CNTNAP2: variants seen among roughly 807,000 people sequenced by gnomAD.
The protein encoded by CNTNAP2 is contactin associated protein 2.
Under a neutral mutation model 155.2 loss-of-function variants are expected in CNTNAP2, and 98 were observed. That is an observed-to-expected ratio of 0.63 (90% CI 0.54 to 0.75). The LOEUF is 0.75. Ranked by LOEUF, CNTNAP2 falls within the 30% of genes least tolerant of loss-of-function variation. The pLI is 0.00. For synonymous variants in CNTNAP2, 651 were observed against 631.2 expected (o/e 1.03, Z -0.47); for missense variants, 1,727 against 1,688.1 (o/e 1.02, Z -0.40).
intron 1 of CNTNAP2, among the ~76,000 whole-genome samples, chr7:146,319,794 C>T (rs1167107708): frequency 6.6e-6 from 1 of 152,094 alleles, no homozygotes; most frequent in Non-Finnish European, 1.5e-5. Flanking sequence ...AGGTGGACAG[C>T]AAGTGTCTGG....
At chr7:147,709,726 C>A (rs530725134) in intron 13 of CNTNAP2, among the ~76,000 whole-genome samples, 1 of 152,124 alleles carries the variant, frequency 6.6e-6, no homozygotes, top group African/African-American at 2.4e-5. Flanking sequence ...GTACTGAGAA[C>A]TCTTTCTACT....
intron 9 of CNTNAP2, among the ~76,000 whole-genome samples, chr7:147,346,073 A>G (rs1795850804): frequency 6.6e-6 from 1 of 152,212 alleles, no homozygotes; most frequent in Non-Finnish European, 1.5e-5. Context: ...AAAACTAAAT[A>G]TGACATTGTA....
chr7:146,838,847 A>G (rs1803666632), intron 2 of CNTNAP2, among the ~76,000 whole-genome samples: 1 of 152,144 alleles, frequency 6.6e-6, no homozygotes, highest in Admixed American at 6.6e-5. Flanking sequence ...TCTATTGAAT[A>G]TTTTTATATC....
intron 10 of CNTNAP2, among the ~76,000 whole-genome samples, chr7:147,481,725 G>A (rs528527833): frequency 5.3e-5 from 8 of 152,282 alleles, no homozygotes; most frequent in Middle Eastern, 3.4e-3. Context: ...TTCTTCTGGA[G>A]TCACTTGATC....
At chr7:147,010,967 C>T (rs939133938) in intron 3 of CNTNAP2, among the ~76,000 whole-genome samples, 6 of 152,170 alleles carry the variant, frequency 3.9e-5, no homozygotes, top group South Asian at 2.1e-4. Context: ...AAGTTAGTAT[C>T]ACCATAAATG....
intron 20 of CNTNAP2, among the ~76,000 whole-genome samples, chr7:148,265,961 G>A (rs956387836): frequency 6.6e-6 from 1 of 152,152 alleles, no homozygotes; most frequent in African/African-American, 2.4e-5. Context: ...CTAGCTTCCA[G>A]CATCTTTGCT....
chr7:148,115,731 G>T (rs1000738023), intron 15 of CNTNAP2, among the ~76,000 whole-genome samples: 2 of 152,038 alleles, frequency 1.3e-5, no homozygotes, highest in Admixed American at 1.3e-4. Flanking sequence ...GCGCCTTTCT[G>T]TTCCTGTTAC....
intron 21 of CNTNAP2, among the ~76,000 whole-genome samples, chr7:148,310,077 G>A (rs1003930285): frequency 6.6e-6 from 1 of 152,008 alleles, no homozygotes; most frequent in Admixed American, 6.6e-5. Context: ...GTGATGGCCT[G>A]GATACGATTT....
intron 10 of CNTNAP2, among the ~76,000 whole-genome samples, chr7:147,417,683 C>T (rs992980226): frequency 3.9e-5 from 6 of 152,092 alleles, no homozygotes; most frequent in African/African-American, 1.2e-4. Flanking sequence ...GTATGGAACC[C>T]GTATCTGATG....
intron 21 of CNTNAP2, among the ~76,000 whole-genome samples, chr7:148,352,918 C>T (rs1010736810): frequency 6.6e-6 from 1 of 152,208 alleles, no homozygotes; most frequent in African/African-American, 2.4e-5. Context: ...CCCCAAAGTC[C>T]CCTGGCCTGT....
intron 3 of CNTNAP2, among the ~76,000 whole-genome samples, chr7:146,970,922 G>A (rs1207559703): frequency 1.3e-5 from 2 of 151,992 alleles, no homozygotes; most frequent in Non-Finnish European, 2.9e-5. Flanking sequence ...GGACATGGAT[G>A]AAATTGGAAA....
At chr7:147,998,943 T>C (rs183919637) in intron 15 of CNTNAP2, among the ~76,000 whole-genome samples, 4 of 152,366 alleles carry the variant, frequency 2.6e-5, no homozygotes, top group Non-Finnish European at 5.9e-5. Context: ...CAGAGATCTA[T>C]GCCTATGTAG....
chr7:147,089,164 C>T (rs1800344944), intron 4 of CNTNAP2, among the ~76,000 whole-genome samples: 1 of 152,184 alleles, frequency 6.6e-6, no homozygotes, highest in African/African-American at 2.4e-5. Context: ...ATTACCCCAG[C>T]TGTTGCCCCT....
At chr7:147,909,181 A>G (rs1334490620) in intron 14 of CNTNAP2, among the ~76,000 whole-genome samples, 1 of 152,206 alleles carries the variant, frequency 6.6e-6, no homozygotes, top group East Asian at 1.9e-4. Flanking sequence ...AGAAGACCAA[A>G]GACACACATC....
chr7:146,241,229 G>A (rs745854819), intron 1 of CNTNAP2, among the ~76,000 whole-genome samples: 2 of 152,166 alleles, frequency 1.3e-5, no homozygotes, highest in Non-Finnish European at 2.9e-5. Flanking sequence ...CAGGAGGTAA[G>A]GCATTTAGAT....
chr7:146,512,254 A>G (rs1797478597), intron 1 of CNTNAP2, among the ~76,000 whole-genome samples: 1 of 150,660 alleles, frequency 6.6e-6, no homozygotes, highest in African/African-American at 2.4e-5. Flanking sequence ...CATTTTGTTG[A>G]TCTTTTGTAT....
At chr7:147,005,541 G>T (rs1220883954) in intron 3 of CNTNAP2, among the ~76,000 whole-genome samples, 2 of 151,994 alleles carry the variant, frequency 1.3e-5, no homozygotes, top group African/African-American at 4.8e-5. Flanking sequence ...GTAAGTCAAA[G>T]ACATGGCTTA....
At chr7:147,367,522 T>C (rs1796255210) in intron 9 of CNTNAP2, among the ~76,000 whole-genome samples, 1 of 152,152 alleles carries the variant, frequency 6.6e-6, no homozygotes, top group African/African-American at 2.4e-5. Context: ...ATCCAGTACA[T>C]GATTAAAGAA....
intron 1 of CNTNAP2, among the ~76,000 whole-genome samples, chr7:146,247,217 T>C (rs1018441734): frequency 1.3e-5 from 2 of 152,138 alleles, no homozygotes; most frequent in African/African-American, 4.8e-5. Context: ...AAACGCACAC[T>C]GATTTGGGAG....
Sources: allele counts gnomAD v4.1 joint callset (sites outside exome capture counted in the v4.1 genomes callset), GRCh38; gene constraint gnomAD v4.1.1; transcripts MANE v1.5; gene names NCBI Gene and HGNC (gene_info 2026-07-23, HGNC 2026-07-21).